The following ENOX2 variants were observed in gnomAD, a reference collection of about 807,000 sequenced individuals.
ENOX2 encodes the protein ecto-NOX disulfide-thiol exchanger 2.
In ENOX2, 36 loss-of-function variants were observed where a neutral mutation model predicts 45.0. The observed-to-expected ratio is 0.80, with a 90% CI of 0.61 to 1.06. The LOEUF is 1.06. ENOX2 is among the 50% of genes least tolerant of loss of function. ENOX2 has a pLI of 0.00. For missense variants in ENOX2, 423 were observed against 462.5 expected (o/e 0.91, Z 0.78); for synonymous variants, 174 against 152.3 (o/e 1.14, Z -1.05).
chrX:130,687,522 G>A (rs907202348), intron 5 of ENOX2, among the ~76,000 whole-genome samples: 2 of 112,453 alleles, frequency 1.8e-5, no homozygotes, highest in Non-Finnish European at 1.9e-5. Context: ...AAGAGTAAGA[G>A]ACAGATAAAA....
At chrX:130,838,595 T>C (rs1457288547) in intron 2 of ENOX2, among the ~76,000 whole-genome samples, 1 of 111,759 alleles carries the variant, frequency 8.9e-6, no homozygotes, top group African/African-American at 3.3e-5. Context: ...CTTTACATGG[T>C]AGTGTTTTCC....
chrX:130,644,110 A>T (rs2148050035), intron 10 of ENOX2, among the ~76,000 whole-genome samples: 1 of 112,427 alleles, frequency 8.9e-6, no homozygotes, highest in African/African-American at 3.2e-5. Flanking sequence ...AGAAATCTCA[A>T]GAAAAATTTA....
chrX:130,755,295 G>A (rs2039328234), intron 3 of ENOX2, among the ~76,000 whole-genome samples: 1 of 107,958 alleles, frequency 9.3e-6, no homozygotes, highest in Admixed American at 9.8e-5. Flanking sequence ...AAGTAAAGGG[G>A]ATAATCCATG....
intron 3 of ENOX2, among the ~76,000 whole-genome samples, chrX:130,757,006 A>T (rs1225125485): frequency 4.4e-5 from 5 of 112,457 alleles, no homozygotes; most frequent in African/African-American, 1.6e-4. Context: ...GTGCTACATA[A>T]TTGTTCAGAA....
At chrX:130,875,661 GATC>G (rs2148562288) in intron 2 of ENOX2, among the ~76,000 whole-genome samples, 1 of 111,483 alleles carries the variant, frequency 9.0e-6, no homozygotes, top group South Asian at 3.7e-4. Flanking sequence ...ACTAAAATCG[GATC>G]ATAGGCCTAT....
intron 2 of ENOX2, among the ~76,000 whole-genome samples, chrX:130,893,440 C>T (rs1425894535): frequency 8.9e-6 from 1 of 112,477 alleles, no homozygotes; most frequent in Non-Finnish European, 1.9e-5. Context: ...CCTGAGAGGG[C>T]TCCCACTGTA....
At chrX:130,838,635 T>C (rs776489184) in intron 2 of ENOX2, among the ~76,000 whole-genome samples, 35 of 111,758 alleles carry the variant, frequency 3.1e-4, no homozygotes, top group African/African-American at 9.7e-4. Context: ...TTCATTCTAG[T>C]CTGTCAAGTA....
chrX:130,636,975 T>C (rs1279117563), intron 11 of ENOX2, among the ~76,000 whole-genome samples: 1 of 112,483 alleles, frequency 8.9e-6, no homozygotes, highest in African/African-American at 3.2e-5. Context: ...GATTAGATTA[T>C]GTTCAGTGTA....
Position 130,711,927 on chromosome X carries a change from G to A in ENOX2, c.-38-8673C>T, listed in dbSNP as rs941254672. Among the ~76,000 whole-genome samples, 10 of 111,169 alleles carry A rather than the reference G, an allele frequency of 9.0e-5. No homozygotes were observed. In the East Asian group the frequency reaches 2.0e-3, roughly 22 times the overall value. On this transcript the variant is annotated intron_variant, in intron 3 of 14. Transcript: ENST00000394363. ...GGCGTGGTATAGTGAGGAAGAAGAA[G>A]GCCACAGAATTTGGTATGTGCCTCT... is the stretch of plus-strand genomic sequence containing the variant.
rs2078915433 is a variant in ENOX2, at chrX:130,886,989, C to T, written c.-183+14695G>A. Among the ~76,000 whole-genome samples, 4 of 111,833 alleles carry T rather than the reference C, an allele frequency of 3.6e-5. No individual in the cohort carries two copies. In the South Asian group the frequency reaches 1.1e-3, roughly 31 times the overall value. ...TACAAGAATACAGCAGAGAAGCGTG[C>T]ACAATTAAGGGATCGGGACTACCAG... is the stretch of plus-strand genomic sequence containing the variant. On this transcript the variant is annotated intron_variant, in intron 2 of 14. Transcript: ENST00000394363.
At chrX:130,722,587 G>A (rs1342386326) in intron 3 of ENOX2, among the ~76,000 whole-genome samples, 2 of 112,279 alleles carry the variant, frequency 1.8e-5, no homozygotes, top group Non-Finnish European at 3.8e-5. Context: ...TTTTGGTTAA[G>A]CATGTAGTTA....
chrX:130,806,081 C>T (rs546787692), intron 2 of ENOX2, among the ~76,000 whole-genome samples: 1 of 111,793 alleles, frequency 8.9e-6, no homozygotes, highest in Non-Finnish European at 1.9e-5. Flanking sequence ...AGTGCATTAT[C>T]ATTTAAACAA....
intron 3 of ENOX2, among the ~76,000 whole-genome samples, chrX:130,759,504 A>G (rs1401488936): frequency 3.9e-5 from 4 of 102,278 alleles, no homozygotes; most frequent in Non-Finnish European, 5.9e-5. Context: ...GGGCAGGAGA[A>G]TTGCTGGAAC....
At chrX:130,772,354 G>A (rs892841651) in intron 3 of ENOX2, among the ~76,000 whole-genome samples, 22 of 111,894 alleles carry the variant, frequency 2.0e-4, no homozygotes, top group Middle Eastern at 4.6e-3. Context: ...ATTAGTCAAT[G>A]TTTCTCAGGC....
chrX:130,892,899 G>A (rs2148591510), intron 2 of ENOX2, among the ~76,000 whole-genome samples: 1 of 112,502 alleles, frequency 8.9e-6, no homozygotes, highest in Admixed American at 9.4e-5. Flanking sequence ...AGATTAATAG[G>A]TGATAAAGCA....
chrX:130,806,280 C>T (rs1243167536), intron 2 of ENOX2, among the ~76,000 whole-genome samples: 1 of 112,092 alleles, frequency 8.9e-6, no homozygotes, highest in East Asian at 2.8e-4. Context: ...GTTAATACTG[C>T]CATGTGTGAC....
chrX:130,892,504 ATTCACCT>A (rs1310482380), intron 2 of ENOX2, among the ~76,000 whole-genome samples: 4 of 112,133 alleles, frequency 3.6e-5, no homozygotes, highest in Admixed American at 1.9e-4. Flanking sequence ...CTTCTTTCCT[ATTCACCT>A]GTGGCCCTCT....
chrX:130,655,457 T>G (rs2036520928), intron 10 of ENOX2, among the ~76,000 whole-genome samples: 1 of 111,494 alleles, frequency 9.0e-6, no homozygotes, highest in African/African-American at 3.3e-5. Context: ...AAATTCAGAT[T>G]TGAATTACAA....
chrX:130,826,994 C>G (rs1483076366), intron 2 of ENOX2, among the ~76,000 whole-genome samples: 4 of 111,789 alleles, frequency 3.6e-5, no homozygotes, highest in African/African-American at 9.7e-5. Flanking sequence ...CATCTAAATT[C>G]ATGGTCAGTG....
Sources: gnomAD v4.1 joint callset for allele counts (sites outside exome capture counted in the v4.1 genomes callset) on GRCh38, gnomAD v4.1.1 for gene constraint, MANE v1.5 for transcripts, NCBI Gene and HGNC (gene_info 2026-07-23, HGNC 2026-07-21) for gene names.